The following CD81 variants were observed in gnomAD, a reference collection of about 807,000 sequenced individuals.
CD81 encodes CD81 molecule.
In CD81, 10 loss-of-function variants were observed where a neutral mutation model predicts 30.1. The observed-to-expected ratio is 0.33, with a 90% CI of 0.21 to 0.56. The LOEUF (loss-of-function observed/expected upper bound fraction) is 0.56, where lower values mean the gene tolerates loss of function less well. CD81 is among the 20% of genes least tolerant of loss of function. The probability of loss-of-function intolerance (pLI) is 0.89; values close to 1 mark genes in which losing one functional copy is unlikely to be tolerated. For missense variants in CD81, 263 were observed against 308.7 expected, an observed-to-expected ratio of 0.85 and a Z score of 1.11; for synonymous variants, 147 against 126.4, an observed-to-expected ratio of 1.16 and a Z score of -1.10.
chr11:2,395,220 G>A (rs1012459538), intron 4 of CD81, 174 bp downstream of exon 4: 2 of 729,504 alleles, frequency 2.7e-6, no homozygotes, highest in South Asian at 1.6e-5. Flanking sequence ...CATTGGGGCT[G>A]AGCACCAGGC....
intron 2 of CD81, chr11:2,392,978 C>G (rs149141750): frequency 6.6e-6 from 1 of 152,426 alleles, no homozygotes; most frequent in Non-Finnish European, 1.5e-5. Context: ...CTCCTGGGTG[C>G]CGTGCCCGTA....
rs1849646002 is a variant in CD81 at position 2,378,721 on chromosome 11, C to G, written c.66+1106C>G. On this transcript the variant is annotated intron_variant, in intron 1 of 7. Transcript: ENST00000263645. The surrounding 1 kb of genome is among the most constrained non-coding windows in gnomAD (Gnocchi z 4.9). ...GACTGCAAGCCCCTCCCCGTGCCCC[C>G]CAGGCTGTCACCCCCTTCTCGTGGA... is the stretch of plus-strand genomic sequence containing the variant. Among the ~76,000 whole-genome samples, 1 of 152,220 alleles carries G rather than the reference C, an allele frequency of 6.6e-6. No homozygotes were observed. Among genetic ancestry groups the G allele is most frequent in the Non-Finnish European group, 1.5e-5 (1 of 68,034 alleles).
chr11:2,384,511 A>G (rs1849755959), intron 1 of CD81: 1 of 36,548 alleles, frequency 2.7e-5, no homozygotes, highest in Non-Finnish European at 4.8e-5. Context: ...GGGGTGGGGC[A>G]TCTTGTGGGG....
upstream of CD81, chr11:2,376,386 T>C (rs1031823772): frequency 6.7e-6 from 1 of 150,060 alleles, no homozygotes; most frequent in African/African-American, 2.5e-5. Flanking sequence ...TGCAGCCCCG[T>C]TGTCCATCAG....
chr11:2,395,499 G>A lies in CD81; in HGVS notation c.438G>A (p.Val146=), dbSNP rs757614073. Residue 146 remains valine (V), a synonymous_variant, in exon 5 of 8, where the codon GTG becomes GTA. Coordinates refer to ENST00000263645, the MANE Select transcript of CD81 (RefSeq NM_004356.4). ...ATGACGCCAACAACGCCAAGGCTGT[G>A]GTGAAGACCTTCCACGAGACGGTGC... The part of the protein sequence containing the change: ...VDDDANNAKA[V]VKTFHETLDC... 1.2e-6 allele frequency: 2 copies of A among 1,612,630 alleles called. No homozygotes were observed. The highest frequency in any genetic ancestry group is 1.1e-5 in the South Asian group (1 of 91,086).
chr11:2,396,686 T>C lies in CD81; in HGVS notation c.620T>C (p.Ile207Thr). Residue 207 changes from isoleucine (I) to threonine (T), a missense_variant, in exon 7 of 8, where the codon ATT becomes ACT. Physicochemically the swap from Ile to Thr is moderately conservative, Grantham distance 89. Around this residue, in one of 3 missense-constraint regions of CD81, gnomAD observed 176 missense variants for 192.9 expected, o/e 0.91. Transcript: ENST00000263645. ...LFSGKLYLIG[I>T]AAIVVAVIMI... ...TCCGGGAAGCTGTACCTCATCGGCA[T>C]TGCTGCCATCGTGGTCGCTGTGATC... 1 of 1,611,944 alleles carries C rather than the reference T, an allele frequency of 6.2e-7. No individual in the cohort carries two copies. Among genetic ancestry groups the C allele is most frequent in the Non-Finnish European group, 8.5e-7 (1 of 1,179,998 alleles).
At chr11:2,395,601 T>C in intron 5 of CD81, 81 bp downstream of exon 5, 1 of 1,122,972 alleles carries the variant, frequency 8.9e-7, no homozygotes, top group Non-Finnish European at 1.3e-6. Flanking sequence ...GAATCCTGCC[T>C]ACGCCCAGAC....
chr11:2,379,895 G>A (rs2133440537), intron 1 of CD81, among the ~76,000 whole-genome samples: 1 of 152,278 alleles, frequency 6.6e-6, no homozygotes, highest in Admixed American at 6.5e-5. Context: ...CACCCTGGTG[G>A]ACCCCCCTCC....
chr11:2,391,565 G>A (rs1454728682), intron 2 of CD81: 1 of 152,322 alleles, frequency 6.6e-6, no homozygotes, highest in African/African-American at 2.4e-5. Flanking sequence ...CTGGGGTCCA[G>A]ATGGTGTCAA....
intron 1 of CD81, chr11:2,386,326 G>A: frequency 1.1e-5 from 7 of 625,510 alleles, no homozygotes; most frequent in Non-Finnish European, 1.7e-5. Flanking sequence ...CTCTGCCCCA[G>A]GTCTTTCGGA....
At chr11:2,379,073 C>T in intron 1 of CD81, 1 of 441,562 alleles carries the variant, frequency 2.3e-6, no homozygotes, top group South Asian at 1.6e-5. Flanking sequence ...TTGGGAGGGG[C>T]TCGCCTTCCC....
chr11:2,385,691 C>T, intron 1 of CD81: 4 of 225,426 alleles, frequency 1.8e-5, no homozygotes, highest in South Asian at 1.3e-4. Flanking sequence ...CCGTGGCGTG[C>T]CCGTCGTCTG....
intron 4 of CD81, 128 bp downstream of exon 4, chr11:2,395,174 C>A: frequency 1.2e-6 from 1 of 821,838 alleles, no homozygotes; most frequent in Non-Finnish European, 2.0e-6. Flanking sequence ...GTCCCACTTG[C>A]CAGGAGGATC....
At position 2,396,630 on chromosome 11, in the gene CD81, G is replaced by A. The variant is rs1409466808; in HGVS notation, c.564G>A (p.Glu188=). ...CGCGTGCCTGGCCACCCCTGCAGGA[G>A]GACTGCCACCAGAAGATCGATGACC... The part of the protein sequence containing the change: ...GSNIISNLFK[E]DCHQKIDDLF... Residue 188 remains glutamate, a splice_region_variant and synonymous_variant, in exon 7 of 8, where the codon GAG becomes GAA. Transcript: ENST00000263645. 6.2e-7 allele frequency: 1 copy of A among 1,611,064 alleles called. No homozygotes were observed. The highest frequency in any genetic ancestry group is 8.5e-7 in the Non-Finnish European group (1 of 1,179,924).
intron 2 of CD81, 139 bp downstream of exon 2, chr11:2,390,665 G>T (rs1012516864): frequency 8.4e-6 from 6 of 712,752 alleles, no homozygotes. Flanking sequence ...CCTGGAAAGG[G>T]CTCTGGGCAC....
chr11:2,388,197 C>A (rs767248382), intron 1 of CD81, among the ~76,000 whole-genome samples: 6 of 152,214 alleles, frequency 3.9e-5, no homozygotes, highest in Non-Finnish European at 5.9e-5. Context: ...CAGGCGCTTG[C>A]TACCACGCCC....
chr11:2,385,507 C>T (rs1382200004), intron 1 of CD81, among the ~76,000 whole-genome samples: 4 of 151,596 alleles, frequency 2.6e-5, no homozygotes, highest in African/African-American at 4.9e-5. Flanking sequence ...GCCTGCCCGT[C>T]GTCTATGCAC....
upstream of CD81, chr11:2,376,222 GCCAGGGGGTTAT>G (rs1849583512): frequency 6.9e-6 from 1 of 144,932 alleles, no homozygotes; most frequent in South Asian, 2.1e-4. Flanking sequence ...AGTCATCTGT[GCCAGGGGGTTAT>G]CCAGGTACAG....
intron 1 of CD81, chr11:2,385,921 C>A: frequency 3.0e-6 from 2 of 664,220 alleles, no homozygotes; most frequent in Admixed American, 2.1e-5. Context: ...AATACCTGTG[C>A]GTGGAGCAGC....
Sources: gnomAD v4.1 joint callset for allele counts (sites outside exome capture counted in the v4.1 genomes callset) on GRCh38, gnomAD v4.1.1 for gene constraint, gnomAD v4.1.1 regional missense constraint, Gnocchi (gnomAD v3.1) non-coding constraint, MANE v1.5 for transcripts, NCBI Gene and HGNC (gene_info 2026-07-23, HGNC 2026-07-21) for gene names.